The following TECRL variants were observed in gnomAD, a reference collection of about 807,000 sequenced individuals.
TECRL encodes the protein trans-2,3-enoyl-CoA reductase-like.
Under a neutral mutation model 52.8 loss-of-function variants are expected in TECRL, and 63 were observed. The observed-to-expected ratio is 1.19, with a 90% CI of 0.97 to 1.47. The LOEUF (loss-of-function observed/expected upper bound fraction) is 1.47. Ranked by LOEUF, TECRL falls within the 40% of genes most tolerant of loss-of-function variation. TECRL has a pLI of 0.00. For missense variants in TECRL, 482 were observed against 429.6 expected (o/e 1.12, Z -1.08); for synonymous variants, 164 against 141.9 (o/e 1.16, Z -1.10).
At chr4:64,336,833 A>G (rs1719124509) in intron 2 of TECRL, among the ~76,000 whole-genome samples, 1 of 152,176 alleles carries the variant, frequency 6.6e-6, no homozygotes, top group South Asian at 2.1e-4. Flanking sequence ...TGAGTTTCTT[A>G]ATCCTGAGTT....
At chr4:64,362,253 A>T (rs1335219558) in intron 2 of TECRL, among the ~76,000 whole-genome samples, 1 of 152,092 alleles carries the variant, frequency 6.6e-6, no homozygotes, top group Non-Finnish European at 1.5e-5. Flanking sequence ...AGATGAAGTG[A>T]TGGAGCAACT....
At chr4:64,354,976 G>A (rs772335622) in intron 2 of TECRL, among the ~76,000 whole-genome samples, 15 of 152,170 alleles carry the variant, frequency 9.9e-5, no homozygotes, top group African/African-American at 2.4e-5. Flanking sequence ...ATATGGATAA[G>A]TGAGTAAGTA....
intron 1 of TECRL, among the ~76,000 whole-genome samples, chr4:64,388,280 A>G (rs1340935753): frequency 1.4e-5 from 2 of 147,094 alleles, no homozygotes; most frequent in African/African-American, 5.0e-5. Flanking sequence ...TGAAAAGACT[A>G]TATTTTCTAC....
intron 2 of TECRL, 52 bp downstream of exon 2, chr4:64,375,120 A>G (rs1722305253): frequency 2.1e-6 from 2 of 967,688 alleles, no homozygotes; most frequent in South Asian, 3.8e-5. Flanking sequence ...ATTTAAACCT[A>G]TTTGAAAATA....
intron 9 of TECRL, among the ~76,000 whole-genome samples, chr4:64,287,713 A>T (rs1723152385): frequency 6.6e-6 from 1 of 152,196 alleles, no homozygotes; most frequent in South Asian, 2.1e-4. Flanking sequence ...TGGTTATGTT[A>T]TACAACATTT....
At chr4:64,405,470 A>T (rs2109793398) in intron 1 of TECRL, among the ~76,000 whole-genome samples, 1 of 152,260 alleles carries the variant, frequency 6.6e-6, no homozygotes, top group East Asian at 1.9e-4. Flanking sequence ...TGAAGGATGT[A>T]GTTGCCACTT....
intron 6 of TECRL, 43 bp downstream of exon 6, chr4:64,309,783 A>G (rs1198701201): frequency 7.8e-7 from 1 of 1,285,344 alleles, no homozygotes; most frequent in Non-Finnish European, 1.1e-6. Flanking sequence ...GATCCAACAT[A>G]TAAAATGTCT....
intron 1 of TECRL, among the ~76,000 whole-genome samples, chr4:64,403,475 G>GCGCCCACACACACA (rs59253067): frequency 6.7e-6 from 1 of 148,238 alleles, no homozygotes; most frequent in Non-Finnish European, 1.5e-5. Context: ...CTCCCTGAGC[G>GCGCCCACACACACA]CACACACACA....
intron 1 of TECRL, among the ~76,000 whole-genome samples, chr4:64,385,139 T>C (rs938663026): frequency 2.0e-5 from 3 of 152,090 alleles, no homozygotes; most frequent in Admixed American, 2.0e-4. Flanking sequence ...TCATAGAGGC[T>C]GGTGGCTCTG....
intron 9 of TECRL, among the ~76,000 whole-genome samples, chr4:64,286,926 G>A (rs1423699768): frequency 6.6e-6 from 1 of 151,944 alleles, no homozygotes; most frequent in South Asian, 2.1e-4. Flanking sequence ...TTCTAACTTT[G>A]GCAATGCTAG....
intron 2 of TECRL, among the ~76,000 whole-genome samples, chr4:64,350,307 T>C (rs1359607587): frequency 1.3e-5 from 2 of 152,226 alleles, no homozygotes; most frequent in Non-Finnish European, 2.9e-5. Flanking sequence ...TGTGATGCTT[T>C]CAGAAAAATG....
chr4:64,305,944 C>T (rs879489348), intron 6 of TECRL, among the ~76,000 whole-genome samples: 1 of 152,134 alleles, frequency 6.6e-6, no homozygotes, highest in Non-Finnish European at 1.5e-5. Flanking sequence ...TTAATAAATG[C>T]TACTCTGCCT....
intron 3 of TECRL, among the ~76,000 whole-genome samples, chr4:64,323,511 G>C (rs995240628): frequency 1.3e-5 from 2 of 152,070 alleles, no homozygotes; most frequent in Non-Finnish European, 2.9e-5. Context: ...ATAGATGAAT[G>C]GTCCCTCCAA....
intron 5 of TECRL, 135 bp downstream of exon 5, chr4:64,314,513 C>A (rs1271677451): frequency 1.2e-5 from 8 of 644,056 alleles, no homozygotes; most frequent in East Asian, 2.8e-5. Context: ...AAAATGATAT[C>A]CACTTCAATC....
chr4:64,340,397 G>T (rs1219127943), intron 2 of TECRL, among the ~76,000 whole-genome samples: 2 of 152,254 alleles, frequency 1.3e-5, no homozygotes, highest in Non-Finnish European at 2.9e-5. Context: ...TCACAGGGTT[G>T]AAAGTGTCTG....
At chr4:64,384,770 T>G (rs912742413) in intron 1 of TECRL, among the ~76,000 whole-genome samples, 18 of 152,092 alleles carry the variant, frequency 1.2e-4, no homozygotes, top group Non-Finnish European at 2.1e-4. Context: ...CCTGACAGCA[T>G]GAATAGGCCA....
At chr4:64,355,686 C>T (rs11933217) in intron 2 of TECRL, among the ~76,000 whole-genome samples, 98,976 of 149,888 alleles carry the variant, frequency 0.66, 34,135 homozygotes, top group Non-Finnish European at 0.76. Flanking sequence ...CCTGTAGTCC[C>T]AGCTACTTGG....
intron 9 of TECRL, among the ~76,000 whole-genome samples, chr4:64,286,931 T>C (rs547826331): frequency 6.6e-6 from 1 of 152,282 alleles, no homozygotes; most frequent in East Asian, 1.9e-4. Flanking sequence ...ACTTTGGCAA[T>C]GCTAGCATTT....
intron 8 of TECRL, among the ~76,000 whole-genome samples, chr4:64,298,071 T>C (rs971311245): frequency 2.0e-5 from 3 of 151,218 alleles, no homozygotes; most frequent in Non-Finnish European, 4.5e-5. Flanking sequence ...CTTAATATTA[T>C]GCTATGTATA....
Sources: gnomAD v4.1 joint callset for allele counts (sites outside exome capture counted in the v4.1 genomes callset) on GRCh38, gnomAD v4.1.1 for gene constraint, MANE v1.5 for transcripts, NCBI Gene and HGNC (gene_info 2026-07-23, HGNC 2026-07-21) for gene names.